The following KCNH7 variants were observed in gnomAD, a reference collection of about 807,000 sequenced individuals.
KCNH7 encodes voltage-gated inwardly rectifying potassium channel KCNH7.
A neutral mutation model predicts 120.8 loss-of-function variants in KCNH7; 49 were observed. The ratio of observed to expected loss-of-function variants is 0.41; its 90% CI spans 0.32 to 0.51. KCNH7 has a LOEUF of 0.51. KCNH7 is among the 20% of genes least tolerant of loss of function. The probability of loss-of-function intolerance (pLI) is 0.38; values close to 1 mark genes in which losing one functional copy is unlikely to be tolerated. For missense variants in KCNH7, 1,097 were observed against 1,446.6 expected, an observed-to-expected ratio of 0.76 and a Z score of 3.92; for synonymous variants, 547 against 516.1, an observed-to-expected ratio of 1.06 and a Z score of -0.81.
chr2:162,530,472 G>GCACACA (rs111443301), intron 3 of KCNH7, among the ~76,000 whole-genome samples: 15 of 149,758 alleles, frequency 1.0e-4, no homozygotes, highest in African/African-American at 3.4e-4. Context: ...GAGCGTGCGC[G>GCACACA]CACACACACA....
At position 162,396,721 on chromosome 2, in the gene KCNH7, GCAAA is replaced by G; in HGVS notation, c.2613+15_2613+18del. On this transcript the variant is annotated intron_variant, in intron 11 of 15. Coordinates refer to ENST00000332142, the MANE Select transcript of KCNH7 (RefSeq NM_033272.4). ...TAAAATGTCAGAAATACAGACATAAGCAAACAGTTAACATATACCTTTGCGCTCT... is the reference window on the plus strand; with the variant it reads ...TAAAATGTCAGAAATACAGACATAAGCAGTTAACATATACCTTTGCGCTCT... 6.4e-7 allele frequency: 1 copy of G among 1,556,760 alleles called. No individual in the cohort carries two copies. Among genetic ancestry groups the G allele is most frequent in the Non-Finnish European group, 8.8e-7 (1 of 1,134,072 alleles).
intron 2 of KCNH7, among the ~76,000 whole-genome samples, chr2:162,682,141 T>A (rs768264180): frequency 6.6e-5 from 10 of 151,632 alleles, no homozygotes; most frequent in Admixed American, 2.0e-4. Context: ...GCACAGAAAT[T>A]TCATGAAGCC....
rs576910479 is a variant in KCNH7, at chr2:162,579,867, G to A, written c.308-42787C>T. On this transcript the variant is annotated intron_variant, in intron 2 of 15. Coordinates refer to ENST00000332142, the MANE Select transcript of KCNH7 (RefSeq NM_033272.4). The stretch of plus-strand genomic sequence containing the variant: ...TGGAACTGTGGGGATGAAGAGTTAC[G>A]TAGAAGCAATGATTTCTCTTTTCGG... Among the ~76,000 whole-genome samples, 5 of 152,068 alleles carry A rather than the reference G, an allele frequency of 3.3e-5. No homozygotes were observed. In the South Asian group the frequency reaches 6.2e-4, roughly 19 times the overall value.
intron 6 of KCNH7, among the ~76,000 whole-genome samples, chr2:162,449,178 G>C (rs569235535): frequency 6.6e-6 from 1 of 152,132 alleles, no homozygotes; most frequent in South Asian, 2.1e-4. Flanking sequence ...GCCATGGAGA[G>C]GGCCAGTTCC....
intron 2 of KCNH7, among the ~76,000 whole-genome samples, chr2:162,721,166 T>C (rs1386241207): frequency 3.3e-5 from 5 of 152,136 alleles, no homozygotes; most frequent in African/African-American, 1.2e-4. Flanking sequence ...CTCAAGAGCA[T>C]AGATGATAGT....
chr2:162,761,969 C>G (rs1688983300), intron 2 of KCNH7, among the ~76,000 whole-genome samples: 1 of 151,988 alleles, frequency 6.6e-6, no homozygotes, highest in Non-Finnish European at 1.5e-5. Flanking sequence ...AGTTGAGTTG[C>G]TGAATCTCCA....
At chr2:162,633,541 A>G (rs898977905) in intron 2 of KCNH7, among the ~76,000 whole-genome samples, 3 of 151,670 alleles carry the variant, frequency 2.0e-5, no homozygotes, top group African/African-American at 7.3e-5. Flanking sequence ...CTTTCCCTAC[A>G]CCCATCAGAT....
rs1281727062 is a variant in KCNH7, at chr2:162,373,511, C to T, written c.3283G>A (p.Ala1095Thr). Residue 1095 changes from alanine (A) to threonine (T), a missense_variant, in exon 15 of 16, where the codon GCA (alanine) becomes ACA (threonine). Ala to Thr is a moderately conservative substitution (Grantham distance 58, BLOSUM62 0). Transcript: ENST00000332142. The part of the protein sequence containing the change: ...IQLMRTSQPE[A>T]SIKTDRSFSP... Reference sequence around the variant, plus strand: ...AAACTTCGGTCAGTTTTGATGGATGCTTCCGGTTGACTGGTTCTCATCAGC... The same window carrying T: ...AAACTTCGGTCAGTTTTGATGGATGTTTCCGGTTGACTGGTTCTCATCAGC... 1.9e-6 allele frequency: 3 copies of T among 1,573,446 alleles called. No individual in the cohort carries two copies. The highest frequency in any genetic ancestry group is 4.8e-5 in the East Asian group (2 of 42,098).
intron 2 of KCNH7, among the ~76,000 whole-genome samples, chr2:162,741,321 T>A (rs1222330204): frequency 1.3e-5 from 2 of 149,794 alleles, no homozygotes; most frequent in East Asian, 1.9e-4. Context: ...ATTACACATA[T>A]TAATAACATA....
At chr2:162,518,916 G>A (rs912675367) in intron 3 of KCNH7, among the ~76,000 whole-genome samples, 3 of 150,400 alleles carry the variant, frequency 2.0e-5, no homozygotes, top group Admixed American at 6.6e-5. Flanking sequence ...ACTTTAAAGA[G>A]CAGATGTTAA....
chr2:162,741,914 T>C (rs752441896), intron 2 of KCNH7, among the ~76,000 whole-genome samples: 2 of 152,206 alleles, frequency 1.3e-5, no homozygotes, highest in Admixed American at 6.5e-5. Flanking sequence ...ATGTTTCCTG[T>C]GAATAGATTT....
At chr2:162,780,689 T>G (rs1357019501) in intron 2 of KCNH7, among the ~76,000 whole-genome samples, 1 of 152,192 alleles carries the variant, frequency 6.6e-6, no homozygotes, top group Admixed American at 6.6e-5. Flanking sequence ...TCTAACCTTA[T>G]GTAAAGTTAG....
At chr2:162,750,419 G>T (rs929034412) in intron 2 of KCNH7, among the ~76,000 whole-genome samples, 2 of 152,060 alleles carry the variant, frequency 1.3e-5, no homozygotes, top group African/African-American at 2.4e-5. Context: ...AGCAATTCTG[G>T]ATAGACTTAA....
At chr2:162,463,005 A>G (rs1217802917) in intron 6 of KCNH7, among the ~76,000 whole-genome samples, 1 of 152,090 alleles carries the variant, frequency 6.6e-6, no homozygotes, top group African/African-American at 2.4e-5. Flanking sequence ...CAAATGTGAT[A>G]TCTCCATCAT....
chr2:162,775,867 C>T (rs923803287), intron 2 of KCNH7, among the ~76,000 whole-genome samples: 8 of 152,104 alleles, frequency 5.3e-5, no homozygotes, highest in Non-Finnish European at 1.2e-4. Context: ...AGTGTGGATG[C>T]CAGTTTTAAA....
At chr2:162,613,015 C>T (rs1183334449) in intron 2 of KCNH7, among the ~76,000 whole-genome samples, 1 of 151,844 alleles carries the variant, frequency 6.6e-6, no homozygotes, top group Non-Finnish European at 1.5e-5. Context: ...TATGTATTTA[C>T]TTGGGCTTCT....
chr2:162,443,852 C>T (rs1387120173), intron 7 of KCNH7, among the ~76,000 whole-genome samples: 2 of 152,128 alleles, frequency 1.3e-5, no homozygotes, highest in African/African-American at 4.8e-5. Context: ...CTTAGCATTC[C>T]ACCTCTTACT....
At chr2:162,428,385 A>G (rs1490132140) in intron 8 of KCNH7, among the ~76,000 whole-genome samples, 1 of 150,530 alleles carries the variant, frequency 6.6e-6, no homozygotes, top group Non-Finnish European at 1.5e-5. Context: ...TGGTTTCTCT[A>G]TGGTCAGATA....
intron 6 of KCNH7, among the ~76,000 whole-genome samples, chr2:162,460,819 T>C (rs1023797257): frequency 6.6e-6 from 1 of 152,232 alleles, no homozygotes; most frequent in African/African-American, 2.4e-5. Flanking sequence ...ACTTTACAGA[T>C]GTGAAGACAG....
Sources: allele counts gnomAD v4.1 joint callset (sites outside exome capture counted in the v4.1 genomes callset), GRCh38; gene constraint gnomAD v4.1.1; transcripts MANE v1.5; gene names NCBI Gene and HGNC (gene_info 2026-07-23, HGNC 2026-07-21).